The following CREBBP variants were observed in gnomAD, a reference collection of about 807,000 sequenced individuals.
The protein encoded by CREBBP is CREB binding lysine acetyltransferase, also known as CREB-binding protein.
A neutral mutation model predicts 265.0 loss-of-function variants in CREBBP; 19 were observed. The ratio of observed to expected loss-of-function variants is 0.07; its 90% CI spans 0.05 to 0.11. CREBBP has a LOEUF of 0.11. Among genes scored for constraint, CREBBP ranks in the 10% least tolerant of loss-of-function variants. CREBBP has a pLI of 1.00. For missense variants in CREBBP, 2,525 were observed against 3,219.0 expected (o/e 0.78, Z 5.22); for synonymous variants, 1,457 against 1,223.7 (o/e 1.19, Z -3.98).
intron 2 of CREBBP, among the ~76,000 whole-genome samples, chr16:3,846,305 T>C (rs1384242223): frequency 6.6e-6 from 1 of 152,136 alleles, no homozygotes; most frequent in Non-Finnish European, 1.5e-5. Context: ...AGTAAAAGGA[T>C]GGTAATATTC....
Position 3,731,648 on chromosome 16 carries a change from T to A in CREBBP, c.4890+128A>T. The A allele has an allele frequency of 7.0e-7, 1 of 1,437,402 alleles. No homozygotes were observed. The highest frequency in any genetic ancestry group is 9.7e-7 in the Non-Finnish European group (1 of 1,025,718). The allele number at this position is 1,437,402 out of a possible 1,614,324, so 89.0% of individuals were successfully genotyped here. On this transcript the variant is annotated intron_variant, in intron 29 of 30. Coordinates refer to ENST00000262367, the MANE Select transcript of CREBBP (RefSeq NM_004380.3). This position sits in a 1 kb window ranked among gnomAD's most constrained non-coding sequence, Gnocchi z 7.7. ...ACGTTGCATGATGTCACCCAACTGG[T>A]CCACTTGGTTTCCTGGGGGCCACTT...
intron 28 of CREBBP, among the ~76,000 whole-genome samples, chr16:3,735,083 GC>G (rs1165065697): frequency 6.6e-6 from 1 of 152,134 alleles, no homozygotes; most frequent in African/African-American, 2.4e-5. Context: ...TCCCCAGACA[GC>G]CGCACAAACC....
intron 5 of CREBBP, among the ~76,000 whole-genome samples, chr16:3,785,544 A>ATGG (rs1401417506): frequency 1.3e-5 from 2 of 152,346 alleles, no homozygotes; most frequent in African/African-American, 4.8e-5. Context: ...CACATGGGCC[A>ATGG]CGTAACCTGC....
intron 21 of CREBBP, among the ~76,000 whole-genome samples, chr16:3,748,104 A>AATACATACATACATACATAC (rs150411875): frequency 2.0e-5 from 3 of 150,680 alleles, no homozygotes; most frequent in East Asian, 2.0e-4. Context: ...AATAAAAATA[A>AATACATACATACATACATAC]ATACATACAT....
chr16:3,864,758 T>C (rs998737286), intron 1 of CREBBP, among the ~76,000 whole-genome samples: 5 of 152,222 alleles, frequency 3.3e-5, no homozygotes, highest in African/African-American at 4.8e-5. Flanking sequence ...TTACTCATCA[T>C]AGACTATGCT....
chr16:3,833,252 A>T (rs1251943704), intron 2 of CREBBP, among the ~76,000 whole-genome samples: 1 of 152,230 alleles, frequency 6.6e-6, no homozygotes, highest in Admixed American at 6.5e-5. Flanking sequence ...GTATCTACTA[A>T]AAATACAAAA....
At chr16:3,820,881 G>A (rs1422688642) in intron 2 of CREBBP, among the ~76,000 whole-genome samples, 3 of 152,158 alleles carry the variant, frequency 2.0e-5, no homozygotes, top group African/African-American at 4.8e-5. Context: ...TGGAAATGCA[G>A]GCCTGTATCC....
chr16:3,766,052 A>AC (rs1567294567), intron 16 of CREBBP, among the ~76,000 whole-genome samples: 3 of 151,566 alleles, frequency 2.0e-5, no homozygotes, highest in Admixed American at 2.0e-4. Context: ...ACAAATGTTG[A>AC]TTTTTTTTTG....
At position 3,774,554 on chromosome 16, in the gene CREBBP, A is replaced by G. The variant is rs371316341; in HGVS notation, c.2283+15T>C. 2 of 1,614,050 alleles carry G rather than the reference A, an allele frequency of 1.2e-6. No homozygotes were observed. Among genetic ancestry groups the G allele is most frequent in the South Asian group, 2.2e-5 (2 of 91,072 alleles). ...AGGGAGGGCTATCTGCAGCACAGCG[A>G]AAGAGAACACTTACCCCTGGCACTG... is the stretch of plus-strand genomic sequence containing the variant. On this transcript the variant is annotated intron_variant, in intron 12 of 30. Coordinates refer to ENST00000262367, the MANE Select transcript of CREBBP (RefSeq NM_004380.3).
Position 3,731,065 on chromosome 16 carries a change from T to C in CREBBP, c.5172+127A>G. 2.1e-6 allele frequency: 2 copies of C among 965,432 alleles called. No homozygotes were observed. Among genetic ancestry groups the C allele is most frequent in the Non-Finnish European group, 3.2e-6 (2 of 624,662 alleles). The allele number at this position is 965,432 out of a possible 1,614,324, so 59.8% of individuals were successfully genotyped here. On this transcript the variant is annotated intron_variant, in intron 30 of 30. Transcript: ENST00000262367. The surrounding 1 kb of genome is among the most constrained non-coding windows in gnomAD (Gnocchi z 7.7). Reference sequence around the variant, plus strand: ...CGCCTTCTGCCTTGTGACGCTGTCCTAGTTCTGGAGGAGTCAGTGCAGCCA... The same window carrying C: ...CGCCTTCTGCCTTGTGACGCTGTCCCAGTTCTGGAGGAGTCAGTGCAGCCA...
At chr16:3,873,424 T>G (rs2055339331) in intron 1 of CREBBP, among the ~76,000 whole-genome samples, 1 of 152,188 alleles carries the variant, frequency 6.6e-6, no homozygotes. Flanking sequence ...GGTGCTACAC[T>G]ATCACACGCG....
intron 1 of CREBBP, among the ~76,000 whole-genome samples, chr16:3,865,911 AG>A (rs2141563905): frequency 6.6e-6 from 1 of 152,310 alleles, no homozygotes; most frequent in East Asian, 1.9e-4. Context: ...CAGGGATTAC[AG>A]GCGTGAGCCC....
At chr16:3,783,090 A>G (rs981291439) in intron 5 of CREBBP, among the ~76,000 whole-genome samples, 164 bp from the exon 6 acceptor site, 1 of 152,248 alleles carries the variant, frequency 6.6e-6, no homozygotes, top group African/African-American at 2.4e-5. Flanking sequence ...ACTGTGCTGA[A>G]GGACTCATTT....
chr16:3,810,178 G>T (rs374304906), intron 3 of CREBBP, among the ~76,000 whole-genome samples: 1 of 152,158 alleles, frequency 6.6e-6, no homozygotes, highest in Admixed American at 6.6e-5. Context: ...GACGTAATAT[G>T]CATCTCATCA....
rs377754440 is a variant in CREBBP, at chr16:3,741,109, C to T, written c.3983-560G>A. On this transcript the variant is annotated intron_variant, in intron 23 of 30. Coordinates refer to ENST00000262367, the MANE Select transcript of CREBBP (RefSeq NM_004380.3). Reference sequence around the variant, plus strand: ...TCGTGCGGTGCACGAATGAAGTTTCCGAGCCTTGGCGAGGGCAGCCTTTCC... The same window carrying T: ...TCGTGCGGTGCACGAATGAAGTTTCTGAGCCTTGGCGAGGGCAGCCTTTCC... 16 of 166,738 alleles carry T rather than the reference C, an allele frequency of 9.6e-5. No individual in the cohort carries two copies. In the South Asian group the frequency reaches 1.1e-3, roughly 11 times the overall value. 10.3% of individuals were successfully genotyped at this position (166,738 alleles called of 1,614,324 possible).
At chr16:3,740,582 T>C (rs2151341569) in intron 23 of CREBBP, 33 bp from the exon 24 acceptor site, 3 of 1,613,820 alleles carry the variant, frequency 1.9e-6, no homozygotes, top group African/African-American at 1.3e-5. Flanking sequence ...GTGAGAGGGC[T>C]TCAACAGCAC....
intron 1 of CREBBP, among the ~76,000 whole-genome samples, chr16:3,873,834 G>A (rs2141594273): frequency 6.6e-6 from 1 of 152,266 alleles, no homozygotes; most frequent in Non-Finnish European, 1.5e-5. Context: ...AAGATAGGTG[G>A]CAATCTGCTT....
At chr16:3,839,520 A>G (rs1223632222) in intron 2 of CREBBP, among the ~76,000 whole-genome samples, 1 of 151,964 alleles carries the variant, frequency 6.6e-6, no homozygotes, top group Non-Finnish European at 1.5e-5. Context: ...GTCTCTACTG[A>G]AAATACAAAA....
intron 1 of CREBBP, among the ~76,000 whole-genome samples, chr16:3,852,945 CTTAGTA>C (rs1371428936): frequency 3.4e-5 from 5 of 149,148 alleles, no homozygotes; most frequent in Non-Finnish European, 5.9e-5. Context: ...ATATGTTCAT[CTTAGTA>C]TTATCTGTAG....
Sources: allele counts gnomAD v4.1 joint callset (sites outside exome capture counted in the v4.1 genomes callset), GRCh38; gene constraint gnomAD v4.1.1; non-coding constraint Gnocchi (gnomAD v3.1); transcripts MANE v1.5; gene names NCBI Gene and HGNC (gene_info 2026-07-23, HGNC 2026-07-21).